The following MTF2 variants were observed in gnomAD, a reference collection of about 807,000 sequenced individuals.
The protein encoded by MTF2 is metal-response element-binding transcription factor 2.
Under a neutral mutation model 79.5 loss-of-function variants are expected in MTF2, and 11 were observed. That is an observed-to-expected ratio of 0.14 (90% CI 0.09 to 0.23). The LOEUF (loss-of-function observed/expected upper bound fraction) is 0.23, where lower values mean the gene tolerates loss of function less well. Ranked by LOEUF, MTF2 falls within the 10% of genes least tolerant of loss-of-function variation. The pLI is 1.00. For synonymous variants in MTF2, 208 were observed against 232.8 expected, an observed-to-expected ratio of 0.89 and a Z score of 0.97; for missense variants, 486 against 711.2, an observed-to-expected ratio of 0.68 and a Z score of 3.60.
chr1:93,096,505 AT>A (rs1655293567), intron 1 of MTF2, among the ~76,000 whole-genome samples: 1 of 149,086 alleles, frequency 6.7e-6, no homozygotes, highest in African/African-American at 2.5e-5. Context: ...TTTTGGTGCC[AT>A]TTGTTCTGTC....
intron 1 of MTF2, among the ~76,000 whole-genome samples, chr1:93,080,692 A>G (rs867895200): frequency 4.6e-5 from 7 of 151,470 alleles, no homozygotes; most frequent in Non-Finnish European, 7.4e-5. Flanking sequence ...GATGGATTCC[A>G]TGTGACCCTC....
At chr1:93,135,803 C>T (rs953030827) in intron 14 of MTF2, among the ~76,000 whole-genome samples, 15 of 152,288 alleles carry the variant, frequency 9.8e-5, no homozygotes, top group African/African-American at 3.4e-4. Context: ...AGAGTGAGAC[C>T]TTGTCTCAAA....
chr1:93,095,574 C>A (rs543902670), intron 1 of MTF2, among the ~76,000 whole-genome samples: 2 of 151,694 alleles, frequency 1.3e-5, no homozygotes, highest in South Asian at 4.2e-4. Context: ...CTCCTGACCT[C>A]AGTGATCCGC....
chr1:93,124,630 G>A lies in MTF2; in HGVS notation c.922-2602G>A, dbSNP rs567079026. On this transcript the variant is annotated intron_variant, in intron 9 of 14. Coordinates refer to ENST00000370298, the MANE Select transcript of MTF2 (RefSeq NM_007358.4). Reference sequence around the variant, plus strand: ...TAGAGGTGGAATAATATTTATAAGTGGAAATTATAAGAAATCTGAACAAAA... The same window carrying A: ...TAGAGGTGGAATAATATTTATAAGTAGAAATTATAAGAAATCTGAACAAAA... Among the ~76,000 whole-genome samples the A allele has an allele frequency of 2.0e-5, 3 of 152,040 alleles. No homozygotes were observed. In the South Asian group the frequency reaches 6.2e-4, roughly 31 times the overall value.
At chr1:93,123,034 A>G (rs1230249503) in intron 9 of MTF2, among the ~76,000 whole-genome samples, 1 of 152,086 alleles carries the variant, frequency 6.6e-6, no homozygotes, top group Non-Finnish European at 1.5e-5. Context: ...GAATTTTGTC[A>G]CTAATCCAAA....
At position 93,090,169 on chromosome 1, in the gene MTF2, G is replaced by C. The variant is rs189264043; in HGVS notation, c.5+10638G>C. Among the ~76,000 whole-genome samples the C allele has an allele frequency of 7.8e-3, 1,181 of 152,206 alleles. 21 individuals are homozygous for C. The highest frequency in any genetic ancestry group is 0.027 in the African/African-American group (1,127 of 41,536). ...TTTTTTGTATTTTTAGTAGAGACGG[G>C]GTTTCACCGTGTTAGACAGGATGGT... On this transcript the variant is annotated intron_variant, in intron 1 of 14. Transcript: ENST00000370298.
chr1:93,092,494 C>T lies in MTF2; in HGVS notation c.5+12963C>T, dbSNP rs559380360. The stretch of plus-strand genomic sequence containing the variant: ...GTAGTTTCTTTTCTGTTCCCTCCGC[C>T]CCTTCCCACTCCTTAGAGGCAATAA... On this transcript the variant is annotated intron_variant, in intron 1 of 14. Coordinates refer to ENST00000370298, the MANE Select transcript of MTF2 (RefSeq NM_007358.4). Among the ~76,000 whole-genome samples, 105 of 152,262 alleles carry T rather than the reference C, an allele frequency of 6.9e-4. 1 individual carries two copies. The highest frequency in any genetic ancestry group is 2.0e-3 in the African/African-American group (82 of 41,554).
intron 1 of MTF2, among the ~76,000 whole-genome samples, chr1:93,082,207 T>A (rs1654633946): frequency 6.6e-6 from 1 of 152,124 alleles, no homozygotes. Context: ...TAGAAAAAAC[T>A]TAAGGAATAT....
intron 14 of MTF2, among the ~76,000 whole-genome samples, chr1:93,136,121 T>C (rs976709084): frequency 6.6e-6 from 1 of 152,192 alleles, no homozygotes; most frequent in African/African-American, 2.4e-5. Flanking sequence ...GAGATTTGAA[T>C]TTGGCCAAGT....
At chr1:93,108,626 T>TG (rs1655903283) in intron 1 of MTF2, among the ~76,000 whole-genome samples, 1 of 150,144 alleles carries the variant, frequency 6.7e-6, no homozygotes, top group Non-Finnish European at 1.5e-5. Context: ...TTTTTTTTTT[T>TG]GCCTTTCAGC....
chr1:93,101,229 G>A (rs373540451), intron 1 of MTF2, among the ~76,000 whole-genome samples: 5 of 152,152 alleles, frequency 3.3e-5, no homozygotes, highest in African/African-American at 1.2e-4. Flanking sequence ...TGGTCTCAAG[G>A]GAAGAAACTT....
intron 3 of MTF2, among the ~76,000 whole-genome samples, chr1:93,110,859 C>T (rs186590504): frequency 5.1e-4 from 77 of 152,314 alleles, no homozygotes; most frequent in African/African-American, 1.9e-3. Flanking sequence ...TAAGACCCTT[C>T]TAAGAACTTT....
chr1:93,082,752 AT>A (rs538567535), intron 1 of MTF2, among the ~76,000 whole-genome samples: 103 of 152,142 alleles, frequency 6.8e-4, no homozygotes, highest in African/African-American at 2.3e-3. Flanking sequence ...CAGTTCAGTG[AT>A]TTTTTTTAGT....
intron 6 of MTF2, among the ~76,000 whole-genome samples, chr1:93,116,081 T>G (rs1656237036): frequency 6.6e-6 from 1 of 152,178 alleles, no homozygotes; most frequent in Admixed American, 6.5e-5. Context: ...TTTCATTTCT[T>G]TCTTAAAGTG....
rs77604596 is a variant in MTF2, at chr1:93,092,674, A to G, written c.5+13143A>G. 3.4e-3 allele frequency among the ~76,000 whole-genome samples: 523 copies of G among 152,302 alleles called. 1 individual carries two copies. Among genetic ancestry groups the G allele is most frequent in the African/African-American group, 0.012 (510 of 41,556 alleles). ...TCTATAAATATATTCTCTGTAACATAATGTTAGATGAAACATAATGTTATA... is the reference window on the plus strand; with the variant it reads ...TCTATAAATATATTCTCTGTAACATGATGTTAGATGAAACATAATGTTATA... On this transcript the variant is annotated intron_variant, in intron 1 of 14. Transcript: ENST00000370298.
chr1:93,094,235 A>G (rs1379316361), intron 1 of MTF2, among the ~76,000 whole-genome samples: 2 of 151,748 alleles, frequency 1.3e-5, no homozygotes, highest in East Asian at 3.9e-4. Flanking sequence ...TTGGTCCTCT[A>G]ATTTTCTTAA....
At chr1:93,088,627 G>A (rs968087396) in intron 1 of MTF2, among the ~76,000 whole-genome samples, 2 of 152,114 alleles carry the variant, frequency 1.3e-5, no homozygotes, top group African/African-American at 4.8e-5. Flanking sequence ...ATGCAGTGGT[G>A]CGATCTCGGC....
At chr1:93,098,404 A>G (rs1331631949) in intron 1 of MTF2, among the ~76,000 whole-genome samples, 7 of 152,152 alleles carry the variant, frequency 4.6e-5, no homozygotes, top group African/African-American at 7.2e-5. Flanking sequence ...TACAAAGGCT[A>G]TGTTCCTTGG....
intron 1 of MTF2, among the ~76,000 whole-genome samples, chr1:93,101,495 A>G (rs1370681567): frequency 7.5e-6 from 1 of 133,656 alleles, no homozygotes; most frequent in East Asian, 2.3e-4. Flanking sequence ...TCCTGCAGCT[A>G]TGTGCCATCA....
Sources: gnomAD v4.1 joint callset for allele counts (sites outside exome capture counted in the v4.1 genomes callset) on GRCh38, gnomAD v4.1.1 for gene constraint, MANE v1.5 for transcripts, NCBI Gene and HGNC (gene_info 2026-07-23, HGNC 2026-07-21) for gene names.